The following GSE1 variants were observed in gnomAD, a reference collection of about 807,000 sequenced individuals.
GSE1 encodes genetic suppressor element 1.
A neutral mutation model predicts 112.6 loss-of-function variants in GSE1; 32 were observed. The observed-to-expected ratio is 0.28, with a 90% CI of 0.21 to 0.38. The LOEUF is 0.38. GSE1 is among the 10% of genes least tolerant of loss of function. The pLI, the probability that GSE1 is intolerant of heterozygous loss-of-function variation, is 1.00. For missense variants in GSE1, 2,348 were observed against 1,699.2 expected, an observed-to-expected ratio of 1.38 and a Z score of -6.71; for synonymous variants, 1,115 against 735.6, an observed-to-expected ratio of 1.52 and a Z score of -8.35.
chr16:85,537,715 T>C (rs921234521), intron 2 of GSE1, among the ~76,000 whole-genome samples: 2 of 152,136 alleles, frequency 1.3e-5, no homozygotes, highest in Non-Finnish European at 2.9e-5. Context: ...GCTGATCCCA[T>C]GGTGAAGGCC....
At chr16:85,572,797 G>A (rs1341400219) in intron 1 of GSE1, among the ~76,000 whole-genome samples, 1 of 152,186 alleles carries the variant, frequency 6.6e-6, no homozygotes, top group African/African-American at 2.4e-5. Flanking sequence ...GAAGAGGTGT[G>A]GGGCCTTGTC....
At chr16:85,213,470 C>T (rs2075260246) in intron 1 of GSE1, among the ~76,000 whole-genome samples, 1 of 152,134 alleles carries the variant, frequency 6.6e-6, no homozygotes. Flanking sequence ...TAAAGAACAG[C>T]CCCTCACCCC....
chr16:85,565,718 T>G (rs2045719073), intron 1 of GSE1, among the ~76,000 whole-genome samples: 1 of 152,166 alleles, frequency 6.6e-6, no homozygotes, highest in Non-Finnish European at 1.5e-5. Flanking sequence ...CACCTGACCC[T>G]GGACACCAGC....
chr16:85,448,709 C>A (rs2049581450), intron 2 of GSE1, among the ~76,000 whole-genome samples: 1 of 152,220 alleles, frequency 6.6e-6, no homozygotes, highest in African/African-American at 2.4e-5. Flanking sequence ...CCGGGGGCAC[C>A]ACTGGCAGCC....
chr16:85,474,871 A>C (rs1456128560), intron 2 of GSE1, among the ~76,000 whole-genome samples: 1 of 151,698 alleles, frequency 6.6e-6, no homozygotes, highest in Non-Finnish European at 1.5e-5. Flanking sequence ...TCACCCTTCA[A>C]TCCTTATCTT....
chr16:85,601,004 G>T (rs2047440032), intron 1 of GSE1, among the ~76,000 whole-genome samples: 2 of 147,162 alleles, frequency 1.4e-5, no homozygotes, highest in South Asian at 4.1e-4. Flanking sequence ...GCTTCCACCA[G>T]TGGGGGGGTT....
intron 2 of GSE1, among the ~76,000 whole-genome samples, chr16:85,502,470 G>A (rs768623808): frequency 6.6e-6 from 1 of 152,216 alleles, no homozygotes; most frequent in Non-Finnish European, 1.5e-5. Context: ...GAGCAGTCTG[G>A]TTCCAAAGTT....
At chr16:85,233,025 G>A (rs908299169) in intron 1 of GSE1, among the ~76,000 whole-genome samples, 5 of 152,252 alleles carry the variant, frequency 3.3e-5, no homozygotes, top group African/African-American at 9.6e-5. Context: ...GTCGAGGGCA[G>A]GGAGACCTTT....
chr16:85,539,891 A>G (rs1348219124), intron 2 of GSE1, among the ~76,000 whole-genome samples: 1 of 152,198 alleles, frequency 6.6e-6, no homozygotes, highest in Non-Finnish European at 1.5e-5. Flanking sequence ...GCAGGGAACA[A>G]AGGAGAGTCC....
rs144820357 is a variant in GSE1 at position 85,466,494 on chromosome 16, C to T, written c.2464+108851C>T. On this transcript the variant is annotated intron_variant, in intron 2 of 2. Coordinates refer to the GSE1 transcript ENST00000637419. The stretch of plus-strand genomic sequence containing the variant: ...GGCGCACACTGGCAGCTGAGCTCGT[C>T]GGTCCTGAGGAGTTAGCAGCCCTGG... Among the ~76,000 whole-genome samples, 1,134 of 152,272 alleles carry T rather than the reference C, an allele frequency of 7.4e-3. 2 individuals carry two copies. The highest frequency in any genetic ancestry group is 0.014 in the Middle Eastern group (4 of 294).
chr16:85,581,220 C>T (rs1567612062), intron 1 of GSE1, among the ~76,000 whole-genome samples: 2 of 152,322 alleles, frequency 1.3e-5, no homozygotes, highest in South Asian at 4.1e-4. Flanking sequence ...GGGGAGGGGG[C>T]TGGTGGAGGA....
chr16:85,471,310 T>A (rs967118409), intron 2 of GSE1, among the ~76,000 whole-genome samples: 7 of 152,194 alleles, frequency 4.6e-5, no homozygotes, highest in African/African-American at 1.7e-4. Flanking sequence ...ATTTCGTAGC[T>A]CCAACCTCAT....
intron 2 of GSE1, among the ~76,000 whole-genome samples, chr16:85,476,297 T>C (rs1263240375): frequency 6.6e-6 from 1 of 152,106 alleles, no homozygotes; most frequent in Non-Finnish European, 1.5e-5. Flanking sequence ...TGGCGCTCAG[T>C]GGAATCGGGT....
In GSE1 at chr16:85,344,558, G is replaced by A. The variant is rs117808123; in HGVS notation, c.2284-12905G>A. Among the ~76,000 whole-genome samples, 122 of 152,352 alleles carry A rather than the reference G, an allele frequency of 8.0e-4. 1 individual carries two copies. The East Asian group carries it at 0.018, about 22-fold the overall frequency. On this transcript the variant is annotated intron_variant, in intron 1 of 2. Transcript: ENST00000637419. ...TGTGTGAAGCGCAGGGCTGCTCCCC[G>A]TTTATCCTTCAGTGCCCTTGGCGGG...
chr16:85,637,108 T>G (rs968370925), intron 2 of GSE1, among the ~76,000 whole-genome samples: 6 of 152,272 alleles, frequency 3.9e-5, no homozygotes, highest in African/African-American at 1.4e-4. Context: ...CACAGTTGTG[T>G]GACCATCTAA....
chr16:85,575,121 A>G (rs1172246179), intron 1 of GSE1, among the ~76,000 whole-genome samples: 2 of 150,324 alleles, frequency 1.3e-5, no homozygotes, highest in Non-Finnish European at 3.0e-5. Flanking sequence ...AAAGTTGGAT[A>G]TTTATCACAC....
upstream of GSE1, among the ~76,000 whole-genome samples, chr16:85,612,317 C>T (rs938079042): frequency 4.6e-5 from 7 of 151,936 alleles, no homozygotes; most frequent in Admixed American, 6.5e-5. Context: ...CTCTCCGCGC[C>T]GCCTGTGGGT....
intron 1 of GSE1, among the ~76,000 whole-genome samples, chr16:85,172,722 A>T (rs1189559002): frequency 6.6e-6 from 1 of 152,174 alleles, no homozygotes; most frequent in Non-Finnish European, 1.5e-5. Flanking sequence ...GCTGCTGGCC[A>T]TGTGTGGGCA....
At chr16:85,219,199 A>T (rs2075352646) in intron 1 of GSE1, among the ~76,000 whole-genome samples, 1 of 151,456 alleles carries the variant, frequency 6.6e-6, no homozygotes, top group African/African-American at 2.4e-5. Context: ...TTTTTAGTAG[A>T]CACAGGGTTT....
Sources: allele counts gnomAD v4.1 joint callset (sites outside exome capture counted in the v4.1 genomes callset), GRCh38; gene constraint gnomAD v4.1.1; transcripts MANE v1.5; gene names NCBI Gene and HGNC (gene_info 2026-07-23, HGNC 2026-07-21).